Variants in NRXN3 observed in about 807,000 individuals in gnomAD.
The protein encoded by NRXN3 is neurexin 3.
NRXN3 carries 32 observed loss-of-function variants against 137.6 expected under a neutral mutation model. That is an observed-to-expected ratio of 0.23 (90% CI 0.18 to 0.31). NRXN3 has a LOEUF of 0.31. Among genes scored for constraint, NRXN3 ranks in the 10% least tolerant of loss-of-function variants. The pLI, the probability that NRXN3 is intolerant of heterozygous loss-of-function variation, is 1.00. For missense variants in NRXN3, 1,574 were observed against 2,062.5 expected (o/e 0.76, Z 4.59); for synonymous variants, 798 against 784.5 (o/e 1.02, Z -0.29).
rs2096673064 is a variant in NRXN3 at position 78,550,137 on chromosome 14, T to C, written c.758-94983T>C. Among the ~76,000 whole-genome samples, 3 of 150,502 alleles carry C rather than the reference T, an allele frequency of 2.0e-5. No individual in the cohort carries two copies. The South Asian group carries it at 6.3e-4, about 32-fold the overall frequency. On this transcript the variant is annotated intron_variant, in intron 4 of 20. Transcript: ENST00000335750. Reference sequence around the variant, plus strand: ...CAGCCTCAACCTCCCCAGGCTCAAGTGATCCTCCCACCTCAGCCTCCTGAG... The same window carrying C: ...CAGCCTCAACCTCCCCAGGCTCAAGCGATCCTCCCACCTCAGCCTCCTGAG...
chr14:78,956,763 G>A (rs1013791581), intron 10 of NRXN3, among the ~76,000 whole-genome samples: 2 of 152,160 alleles, frequency 1.3e-5, no homozygotes, highest in African/African-American at 4.8e-5. Flanking sequence ...TCAAGTTAAG[G>A]CATATGTGTT....
At chr14:78,258,556 A>G (rs919173627) in intron 2 of NRXN3, among the ~76,000 whole-genome samples, 1 of 152,140 alleles carries the variant, frequency 6.6e-6, no homozygotes, top group Non-Finnish European at 1.5e-5. Context: ...GCCTAAATGT[A>G]GAAACTTTGG....
At chr14:78,587,866 A>G (rs982676153) in intron 4 of NRXN3, among the ~76,000 whole-genome samples, 1 of 152,176 alleles carries the variant, frequency 6.6e-6, no homozygotes, top group Non-Finnish European at 1.5e-5. Context: ...TTCTTTAAAA[A>G]TAGAATCTTT....
intron 15 of NRXN3, among the ~76,000 whole-genome samples, chr14:79,458,883 C>T (rs1207391556): frequency 2.0e-5 from 3 of 152,060 alleles, no homozygotes; most frequent in Non-Finnish European, 4.4e-5. Flanking sequence ...AGGACAACCT[C>T]ATGTAAAACC....
At chr14:79,239,716 G>A (rs919983347) in intron 15 of NRXN3, among the ~76,000 whole-genome samples, 1 of 152,150 alleles carries the variant, frequency 6.6e-6, no homozygotes, top group East Asian at 1.9e-4. Flanking sequence ...GTTCATTGCA[G>A]CAGTATTCAC....
intron 17 of NRXN3, among the ~76,000 whole-genome samples, chr14:79,670,367 A>T (rs1341355968): frequency 6.6e-6 from 1 of 152,036 alleles, no homozygotes; most frequent in African/African-American, 2.4e-5. Context: ...AGGGTTTTGG[A>T]GTCAGACTTT....
chr14:79,838,726 C>G (rs184773246), intron 20 of NRXN3, among the ~76,000 whole-genome samples: 8 of 152,296 alleles, frequency 5.3e-5, no homozygotes, highest in Admixed American at 5.2e-4. Flanking sequence ...CTAGTGTCCA[C>G]CCTCGAACAC....
At chr14:79,800,600 T>C (rs1313577317) in intron 19 of NRXN3, among the ~76,000 whole-genome samples, 1 of 152,202 alleles carries the variant, frequency 6.6e-6, no homozygotes, top group Non-Finnish European at 1.5e-5. Context: ...ATCCACCAAT[T>C]TGTTCTACTT....
rs941487848 is a variant in NRXN3 at position 78,645,335 on chromosome 14, G to A, written c.973G>A (p.Ala325Thr). ...VSLVINLGSG[A>T]FEAIVEPVNG... ...CTTGGTCATTAACCTGGGGTCCGGG[G>A]CCTTTGAGGCCATTGTGGAGCCAGT... Residue 325 changes from alanine to threonine, a missense_variant, in exon 5 of 21, where the codon GCC becomes ACC. Transcript: ENST00000335750. 1 of 1,598,648 alleles carries A rather than the reference G, an allele frequency of 6.3e-7. No individual in the cohort carries two copies. Among genetic ancestry groups the A allele is most frequent in the African/African-American group, 1.3e-5 (1 of 74,928 alleles).
chr14:78,532,275 C>G (rs935092394), intron 4 of NRXN3, among the ~76,000 whole-genome samples: 2 of 150,476 alleles, frequency 1.3e-5, no homozygotes, highest in Non-Finnish European at 2.9e-5. Context: ...GAGCCAAGAT[C>G]GCGCCATTGC....
chr14:78,827,337 G>T (rs2098969825), intron 10 of NRXN3, among the ~76,000 whole-genome samples: 1 of 150,916 alleles, frequency 6.6e-6, no homozygotes, highest in South Asian at 2.1e-4. Context: ...TTAGTACAAT[G>T]CTGTACAAAT....
intron 4 of NRXN3, among the ~76,000 whole-genome samples, chr14:78,512,794 C>T (rs757420517): frequency 6.6e-6 from 1 of 152,054 alleles, no homozygotes; most frequent in Non-Finnish European, 1.5e-5. Context: ...AACCTGCAGG[C>T]GAAAACCACA....
At chr14:79,039,783 C>A (rs1039022602) in intron 15 of NRXN3, among the ~76,000 whole-genome samples, 3 of 152,082 alleles carry the variant, frequency 2.0e-5, no homozygotes, top group Admixed American at 6.6e-5. Context: ...AACTAGACTC[C>A]TGGGCTCAAG....
At chr14:78,550,433 A>T (rs73324463) in intron 4 of NRXN3, among the ~76,000 whole-genome samples, 10,783 of 152,128 alleles carry the variant, frequency 0.071, 562 homozygotes, top group African/African-American at 0.14. Flanking sequence ...TGGTGCCCTA[A>T]AAGTGACTAC....
At chr14:79,190,098 T>C (rs759295725) in intron 15 of NRXN3, among the ~76,000 whole-genome samples, 5 of 152,200 alleles carry the variant, frequency 3.3e-5, no homozygotes, top group Admixed American at 1.3e-4. Flanking sequence ...GATTTCCCTA[T>C]AATTTTTAGC....
intron 17 of NRXN3, among the ~76,000 whole-genome samples, chr14:79,666,542 A>T (rs778005117): frequency 6.6e-6 from 1 of 152,060 alleles, no homozygotes; most frequent in Non-Finnish European, 1.5e-5. Flanking sequence ...AGGAGGTGCT[A>T]TGCCCTTCCT....
intron 1 of NRXN3, among the ~76,000 whole-genome samples, chr14:78,179,822 T>TTTTTTTTC (rs2059626529): frequency 9.9e-5 from 12 of 121,492 alleles, no homozygotes; most frequent in Middle Eastern, 4.2e-3. Flanking sequence ...TTTTTTTTTT[T>TTTTTTTTC]TGTTTGTTTC....
chr14:78,581,850 G>T (rs919981901), intron 4 of NRXN3, among the ~76,000 whole-genome samples: 2 of 152,180 alleles, frequency 1.3e-5, no homozygotes, highest in African/African-American at 2.4e-5. Flanking sequence ...AACAGCAAAG[G>T]TGCCCATACC....
chr14:79,480,570 T>G (rs1463751411), intron 16 of NRXN3, among the ~76,000 whole-genome samples: 1 of 152,120 alleles, frequency 6.6e-6, no homozygotes, highest in African/African-American at 2.4e-5. Context: ...GTGGGAAGAA[T>G]AGAATTTCCA....
Sources: gnomAD v4.1 joint callset for allele counts (sites outside exome capture counted in the v4.1 genomes callset) on GRCh38, gnomAD v4.1.1 for gene constraint, MANE v1.5 for transcripts, NCBI Gene and HGNC (gene_info 2026-07-23, HGNC 2026-07-21) for gene names.